PDZRN3: variants seen among roughly 807,000 people sequenced by gnomAD.
PDZRN3 encodes the protein E3 ubiquitin-protein ligase PDZRN3.
A neutral mutation model predicts 85.7 loss-of-function variants in PDZRN3; 38 were observed. The ratio of observed to expected loss-of-function variants is 0.44; its 90% CI spans 0.34 to 0.58. PDZRN3 has a LOEUF of 0.58. Among genes scored for constraint, PDZRN3 ranks in the 20% least tolerant of loss-of-function variants. The probability of loss-of-function intolerance (pLI) is 0.01; values close to 1 mark genes in which losing one functional copy is unlikely to be tolerated. For missense variants in PDZRN3, 1,629 were observed against 1,506.4 expected (o/e 1.08, Z -1.35); for synonymous variants, 759 against 638.0 (o/e 1.19, Z -2.86).
chr3:73,623,909 G>A (rs2106925060), intron 1 of PDZRN3, 194 bp downstream of exon 1: 1 of 503,420 alleles, frequency 2.0e-6, no homozygotes, highest in Middle Eastern at 5.1e-4. Context: ...AGACTATAAA[G>A]GACCACAGTG....
chr3:73,539,700 T>A (rs1026232913), intron 3 of PDZRN3, among the ~76,000 whole-genome samples: 1 of 152,062 alleles, frequency 6.6e-6, no homozygotes, highest in South Asian at 2.1e-4. Context: ...CAGCAGAAAA[T>A]TCTTATGAGA....
chr3:73,402,291 A>G (rs866531682), intron 4 of PDZRN3, among the ~76,000 whole-genome samples: 1 of 152,230 alleles, frequency 6.6e-6, no homozygotes, highest in African/African-American at 2.4e-5. Context: ...GTAGCCTTAA[A>G]GGCTTCATCA....
chr3:73,624,308 A>T lies in PDZRN3; in HGVS notation c.518T>A (p.Leu173His). 1 of 1,329,682 alleles carries T rather than the reference A, an allele frequency of 7.5e-7. No homozygotes were observed. The highest frequency in any genetic ancestry group is 4.2e-5 in the Admixed American group (1 of 24,054). 82.4% of individuals were successfully genotyped at this position (1,329,682 alleles called of 1,614,324 possible). ...ARALRAHNGA[L>H]QARLGALHKA... ...GTGCAGCGCGCCCAGGCGGGCCTGGAGCGCGCCGTTGTGCGCCCGCAGCGC... is the reference window on the plus strand; with the variant it reads ...GTGCAGCGCGCCCAGGCGGGCCTGGTGCGCGCCGTTGTGCGCCCGCAGCGC... The change falls in exon 1 of 10, where the codon CTC (leucine) becomes CAC (histidine). Residue 173 changes from leucine (L) to histidine (H), a missense_variant. Coordinates refer to ENST00000263666, the MANE Select transcript of PDZRN3 (RefSeq NM_015009.3).
rs146749787 is a variant in PDZRN3 at position 73,557,983 on chromosome 3, T to C, written c.918+44371A>G. Among the ~76,000 whole-genome samples the C allele has an allele frequency of 2.8e-4, 43 of 152,280 alleles. 1 individual carries two copies. In the East Asian group the frequency reaches 6.0e-3, roughly 21 times the overall value. On this transcript the variant is annotated intron_variant, in intron 3 of 9. Transcript: ENST00000263666. Reference sequence around the variant, plus strand: ...ATCTTAAGTGATTATCTTTGGGGTATAGAATTTCACTTTGTCACATATTTT... The same window carrying C: ...ATCTTAAGTGATTATCTTTGGGGTACAGAATTTCACTTTGTCACATATTTT...
intron 3 of PDZRN3, chr3:73,561,438 T>C (rs1701812367): frequency 6.6e-6 from 1 of 152,142 alleles, no homozygotes; most frequent in African/African-American, 2.4e-5. Flanking sequence ...AGGGAAAAGG[T>C]TAATATACTC....
chr3:73,454,686 C>T (rs540717746), intron 3 of PDZRN3, among the ~76,000 whole-genome samples: 8 of 152,286 alleles, frequency 5.3e-5, no homozygotes, highest in African/African-American at 1.9e-4. Flanking sequence ...CATTAATCCA[C>T]ATTTACTGCT....
rs746626754 is a variant in PDZRN3 at position 73,608,672 on chromosome 3, T to C, written c.736A>G (p.Lys246Glu). ...APPGGKGEET[K>E]SLTLVLHRDS... is the part of the protein sequence containing the mutation. The stretch of plus-strand genomic sequence containing the variant: ...CGATGCAGGACAAGAGTCAGACTTT[T>C]GGTTTCTTCGCCCTGCAGGTAACAA... The change falls in exon 2 of 10, where the codon AAA (lysine) becomes GAA (glutamate). Residue 246 changes from lysine (K) to glutamate (E), a missense_variant. Transcript: ENST00000263666. 1.1e-5 allele frequency: 17 copies of C among 1,610,190 alleles called. No homozygotes were observed. Among genetic ancestry groups the C allele is most frequent in the Middle Eastern group, 1.6e-4 (1 of 6,074 alleles).
At chr3:73,407,354 G>T (rs1025610365) in intron 3 of PDZRN3, among the ~76,000 whole-genome samples, 4 of 152,192 alleles carry the variant, frequency 2.6e-5, no homozygotes, top group East Asian at 3.9e-4. Context: ...GTAGAAAAAT[G>T]AGAGAATTGT....
Position 73,608,639 on chromosome 3 carries a change from C to A in PDZRN3, c.769G>T (p.Gly257Cys). The A allele has an allele frequency of 6.2e-7, 1 of 1,613,042 alleles. No individual in the cohort carries two copies. The change falls in exon 2 of 10, where the codon GGC becomes TGC. Residue 257 changes from glycine to cysteine, a missense_variant. Gly to Cys is a radical substitution (Grantham distance 159). Coordinates refer to ENST00000263666, the MANE Select transcript of PDZRN3 (RefSeq NM_015009.3). Reference protein sequence around the residue: ...SLTLVLHRDSGSLGFNIIGGR... With the variant: ...SLTLVLHRDSCSLGFNIIGGR... ...CCAATAATATTGAATCCCAGGGAGC[C>A]GGAGTCCCGATGCAGGACAAGAGTC... is the stretch of plus-strand genomic sequence containing the variant.
chr3:73,573,045 C>G (rs1702067029), intron 3 of PDZRN3, among the ~76,000 whole-genome samples: 1 of 152,142 alleles, frequency 6.6e-6, no homozygotes, highest in South Asian at 2.1e-4. Flanking sequence ...TAATAAGATA[C>G]AGAGGTTGGT....
intron 3 of PDZRN3, among the ~76,000 whole-genome samples, chr3:73,563,335 G>A (rs186640577): frequency 2.2e-3 from 335 of 151,516 alleles, no homozygotes; most frequent in African/African-American, 7.7e-3. Flanking sequence ...GTGCCCAGCC[G>A]CCAAATTATA....
intron 3 of PDZRN3, among the ~76,000 whole-genome samples, chr3:73,417,747 C>G (rs1702121725): frequency 6.6e-6 from 1 of 152,140 alleles, no homozygotes; most frequent in Non-Finnish European, 1.5e-5. Context: ...ACTGAATTGC[C>G]AAAATATTCT....
chr3:73,445,624 T>C (rs1702731142), intron 3 of PDZRN3, among the ~76,000 whole-genome samples: 1 of 152,222 alleles, frequency 6.6e-6, no homozygotes, highest in Non-Finnish European at 1.5e-5. Flanking sequence ...TGACCAATGG[T>C]TTAAGAGAAA....
At chr3:73,564,928 C>T (rs1438272354) in intron 3 of PDZRN3, among the ~76,000 whole-genome samples, 2 of 152,128 alleles carry the variant, frequency 1.3e-5, no homozygotes, top group African/African-American at 4.8e-5. Flanking sequence ...GGTAGCTGCT[C>T]TCTTATGATT....
chr3:73,408,279 A>G lies in PDZRN3; in HGVS notation c.919-3884T>C, dbSNP rs557896406. 5.7e-4 allele frequency: 401 copies of G among 699,708 alleles called. 1 individual carries two copies. The highest frequency in any genetic ancestry group is 9.6e-4 in the Non-Finnish European group (370 of 383,846). The allele number at this position is 699,708 out of a possible 1,614,324, so 43.3% of individuals were successfully genotyped here. A position where few individuals can be genotyped will look rare whatever the true frequency, so the allele number is the denominator to read the frequency against. ...TTCTCATCTGCAAAATAAATATAGC[A>G]TCATGCTTTTTAGGGTAATATAAAG... is the stretch of plus-strand genomic sequence containing the variant. On this transcript the variant is annotated intron_variant, in intron 3 of 9. Transcript: ENST00000263666.
chr3:73,539,986 G>A (rs533088009), intron 3 of PDZRN3, among the ~76,000 whole-genome samples: 1 of 150,636 alleles, frequency 6.6e-6, no homozygotes, highest in African/African-American at 2.4e-5. Context: ...GAAGATTCAT[G>A]GCTCAGGATA....
At chr3:73,495,690 C>CCTTATGGCTCT (rs772887974) in intron 3 of PDZRN3, among the ~76,000 whole-genome samples, 39,995 of 152,016 alleles carry the variant, frequency 0.26, 6,361 homozygotes, top group Non-Finnish European at 0.37. Context: ...AAGGCTAGAA[C>CCTTATGGCTCT]TTCTCTAGGA....
At chr3:73,422,323 G>C (rs369002771) in intron 3 of PDZRN3, among the ~76,000 whole-genome samples, 1 of 152,148 alleles carries the variant, frequency 6.6e-6, no homozygotes, top group Non-Finnish European at 1.5e-5. Context: ...AGGCTGCTTT[G>C]TCAACTACTT....
At chr3:73,447,041 CTATATATATATATATAAAGAATTGCAA>C (rs1198609986) in intron 3 of PDZRN3, among the ~76,000 whole-genome samples, 27 of 140,984 alleles carry the variant, frequency 1.9e-4, no homozygotes, top group African/African-American at 2.9e-4. Flanking sequence ...AACCTCTTGA[CTATATATATATATATAAAGAATTGCAA>C]TATATATATA....
Sources: allele counts gnomAD v4.1 joint callset (sites outside exome capture counted in the v4.1 genomes callset), GRCh38; gene constraint gnomAD v4.1.1; transcripts MANE v1.5; gene names NCBI Gene and HGNC (gene_info 2026-07-23, HGNC 2026-07-21).